FRMPD4: variants seen among roughly 807,000 people sequenced by gnomAD.
FRMPD4 encodes the protein FERM and PDZ domain-containing protein 4.
Under a neutral mutation model 94.1 loss-of-function variants are expected in FRMPD4, and 22 were observed. That is an observed-to-expected ratio of 0.23 (90% CI 0.17 to 0.33). FRMPD4 has a LOEUF of 0.33. Among genes scored for constraint, FRMPD4 ranks in the 10% least tolerant of loss-of-function variants. FRMPD4 has a pLI of 1.00. For missense variants in FRMPD4, 1,111 were observed against 1,339.9 expected (o/e 0.83, Z 2.67); for synonymous variants, 631 against 548.6 (o/e 1.15, Z -2.10).
At position 12,717,794 on chromosome X, in the gene FRMPD4, C is replaced by G. The variant is rs137859197; in HGVS notation, c.2968C>G (p.Leu990Val). The change falls in exon 16 of 17, where the codon CTT (leucine) becomes GTT (valine). Residue 990 changes from leucine (L) to valine (V), a missense_variant. Leu to Val is a conservative substitution (Grantham distance 32). This residue lies in a region of FRMPD4 where 551 missense variants were observed against 591.6 expected (regional missense o/e 0.93). Coordinates refer to ENST00000675598, the MANE Select transcript of FRMPD4 (RefSeq NM_001368397.1). The part of the protein sequence containing the change: ...PPKVVPSKQL[L>V]HSDHMEMEPE... Reference sequence around the variant, plus strand: ...CAAAGTTGTGCCTTCCAAGCAGTTACTTCACTCAGACCACATGGAGATGGA... The same window carrying G: ...CAAAGTTGTGCCTTCCAAGCAGTTAGTTCACTCAGACCACATGGAGATGGA... The G allele has an allele frequency of 5.0e-6, 6 of 1,210,497 alleles. No individual in the cohort carries two copies. The African/African-American group carries it at 1.0e-4, about 21-fold the overall frequency.
At chrX:12,273,974 T>G (rs1296682297) in intron 1 of FRMPD4, among the ~76,000 whole-genome samples, 1 of 112,216 alleles carries the variant, frequency 8.9e-6, no homozygotes, top group East Asian at 2.8e-4. Context: ...TATGGAATAC[T>G]ATGATATCAT....
chrX:12,497,180 G>A (rs913794552), intron 1 of FRMPD4, among the ~76,000 whole-genome samples: 45 of 111,712 alleles, frequency 4.0e-4, no homozygotes, highest in Non-Finnish European at 6.6e-4. Context: ...GAGTAAGCCA[G>A]AATAAATTGT....
At chrX:11,984,281 A>G (rs1477258426) in intron 3 of FRMPD4, among the ~76,000 whole-genome samples, 1 of 112,346 alleles carries the variant, frequency 8.9e-6, no homozygotes, top group Non-Finnish European at 1.9e-5. Flanking sequence ...TATTTTGAGC[A>G]TTCCCAAAAA....
intron 1 of FRMPD4, among the ~76,000 whole-genome samples, chrX:12,421,883 T>C (rs1164684939): frequency 9.0e-6 from 1 of 110,805 alleles, no homozygotes; most frequent in African/African-American, 3.3e-5. Flanking sequence ...GTTCTTGCCT[T>C]GGATATCTTC....
In FRMPD4 at chrX:12,658,392, G is replaced by A. The variant is rs182499404; in HGVS notation, c.423-16471G>A. ...TGTGGACATGCATAGAGGCAGGAAA[G>A]AAGGGAATAAATGAAGGAAGTCTTA... On this transcript the variant is annotated intron_variant, in intron 4 of 16. Transcript: ENST00000675598. Among the ~76,000 whole-genome samples the A allele has an allele frequency of 7.0e-4, 78 of 112,150 alleles. 1 individual carries two copies. Among genetic ancestry groups the A allele is most frequent in the African/African-American group, 2.5e-3 (76 of 30,895 alleles).
At chrX:12,621,123 C>T (rs994106511) in intron 4 of FRMPD4, among the ~76,000 whole-genome samples, 5 of 111,080 alleles carry the variant, frequency 4.5e-5, no homozygotes, top group African/African-American at 9.8e-5. Context: ...CCAGCTACGC[C>T]GGAGGCTGAG....
intron 1 of FRMPD4, among the ~76,000 whole-genome samples, chrX:12,276,965 CA>C (rs1295469033): frequency 9.3e-6 from 1 of 106,990 alleles, no homozygotes; most frequent in African/African-American, 3.4e-5. Context: ...ACTAAAAATA[CA>C]AAAAATTAGC....
At chrX:12,054,431 G>A (rs777850749) in intron 3 of FRMPD4, among the ~76,000 whole-genome samples, 12 of 111,301 alleles carry the variant, frequency 1.1e-4, no homozygotes, top group Non-Finnish European at 1.9e-4. Flanking sequence ...ACTGGTGTTT[G>A]AGTCATCATG....
intron 3 of FRMPD4, among the ~76,000 whole-genome samples, chrX:11,917,496 C>T (rs1351146001): frequency 8.9e-6 from 1 of 111,926 alleles, no homozygotes; most frequent in Non-Finnish European, 1.9e-5. Flanking sequence ...AACCTAGGTG[C>T]CCATCAATGG....
Position 12,718,524 on chromosome X carries a change from C to T in FRMPD4, c.3698C>T (p.Thr1233Ile). ...GTGSSGSACA[T>I]PVESPLCPSL... ...GGCAGCAGTGGCAGTGCCTGTGCCA[C>T]ACCCGTGGAGTCGCCGCTCTGCCCC... The change falls in exon 16 of 17, where the codon ACA becomes ATA. Residue 1233 changes from threonine (T) to isoleucine (I), a missense_variant. Thr to Ile is a moderately conservative substitution (Grantham distance 89). This residue lies in a region of FRMPD4 where 551 missense variants were observed against 591.6 expected (regional missense o/e 0.93). Coordinates refer to ENST00000675598, the MANE Select transcript of FRMPD4 (RefSeq NM_001368397.1). 2 of 1,202,647 alleles carry T rather than the reference C, an allele frequency of 1.7e-6. No individual in the cohort carries two copies. The highest frequency in any genetic ancestry group is 2.3e-6 in the Non-Finnish European group (2 of 887,132).
rs935269320 is a variant in FRMPD4 at position 12,721,776 on chromosome X, G to T, written c.5207G>T (p.Gly1736Val). The T allele has an allele frequency of 1.3e-5, 10 of 750,908 alleles. No individual in the cohort carries two copies. Among genetic ancestry groups the T allele is most frequent in the Non-Finnish European group, 1.6e-5 (10 of 636,210 alleles). 61.9% of individuals were successfully genotyped at this position (750,908 alleles called of 1,213,427 possible). Residue 1736 changes from glycine (G) to valine (V), a missense_variant, in exon 17 of 17, where the codon GGA (glycine) becomes GTA (valine). This residue lies in a region of FRMPD4 where 551 missense variants were observed against 591.6 expected (regional missense o/e 0.93). Transcript: ENST00000675598. ...TGKNPGDPNVGLSARHSTTMA... is the reference protein window; with the variant it reads ...TGKNPGDPNVVLSARHSTTMA... ...AAGAACCCTGGGGACCCTAATGTTG[G>T]ACTCTCGGCGCGACACTCAACCACC...
chrX:12,160,095 G>GTGTA (rs1555927314), intron 1 of FRMPD4, among the ~76,000 whole-genome samples: 5 of 110,162 alleles, frequency 4.5e-5, no homozygotes, highest in Admixed American at 1.9e-4. Flanking sequence ...GTGTGTGTGT[G>GTGTA]TGTATGTGCC....
chrX:12,272,649 C>G (rs2054371738), intron 1 of FRMPD4, among the ~76,000 whole-genome samples: 1 of 111,950 alleles, frequency 8.9e-6, no homozygotes, highest in African/African-American at 3.2e-5. Flanking sequence ...TATTTGAAAT[C>G]TGTAACAGTT....
At chrX:12,045,613 G>A (rs1453610428) in intron 3 of FRMPD4, among the ~76,000 whole-genome samples, 5 of 111,056 alleles carry the variant, frequency 4.5e-5, no homozygotes, top group African/African-American at 1.6e-4. Flanking sequence ...TGTTGAGATG[G>A]ATACATTACC....
At chrX:12,166,580 AG>A (rs1413858031) in intron 1 of FRMPD4, among the ~76,000 whole-genome samples, 1 of 111,714 alleles carries the variant, frequency 9.0e-6, no homozygotes, top group Non-Finnish European at 1.9e-5. Flanking sequence ...TGAATTAGGG[AG>A]GATTCCATCT....
intron 1 of FRMPD4, among the ~76,000 whole-genome samples, chrX:12,456,153 A>G (rs1393363068): frequency 8.9e-6 from 1 of 112,257 alleles, no homozygotes; most frequent in Non-Finnish European, 1.9e-5. Context: ...AGCTATAGAG[A>G]GAATAAATTA....
In FRMPD4 at chrX:12,261,114, A is replaced by G. The variant is rs180789102; in HGVS notation, c.41+122102A>G. ...CAGTTTCTGAAGCATAGTAGATGCTAAGTAAACATTTGCTAAAAGAAGCTG... is the reference window on the plus strand; with the variant it reads ...CAGTTTCTGAAGCATAGTAGATGCTGAGTAAACATTTGCTAAAAGAAGCTG... On this transcript the variant is annotated intron_variant, in intron 1 of 16. Coordinates refer to ENST00000675598, the MANE Select transcript of FRMPD4 (RefSeq NM_001368397.1). Among the ~76,000 whole-genome samples the G allele has an allele frequency of 1.8e-3, 203 of 111,948 alleles. 1 individual carries two copies. Among genetic ancestry groups the G allele is most frequent in the African/African-American group, 6.4e-3 (198 of 30,857 alleles).
chrX:12,101,810 T>C (rs780054861), intron 3 of FRMPD4, among the ~76,000 whole-genome samples: 2 of 111,810 alleles, frequency 1.8e-5, no homozygotes, highest in East Asian at 5.6e-4. Context: ...CCAGATAACA[T>C]TTTTAAAATT....
chrX:12,441,966 G>C (rs1461373811), intron 1 of FRMPD4, among the ~76,000 whole-genome samples: 1 of 110,678 alleles, frequency 9.0e-6, no homozygotes, highest in Non-Finnish European at 1.9e-5. Flanking sequence ...ATGTTTCCAA[G>C]CACAGTGTAA....
Sources: allele counts gnomAD v4.1 joint callset (sites outside exome capture counted in the v4.1 genomes callset), GRCh38; gene constraint gnomAD v4.1.1; regional missense constraint gnomAD v4.1.1; transcripts MANE v1.5; gene names NCBI Gene and HGNC (gene_info 2026-07-23, HGNC 2026-07-21).